Variants in CNTNAP5 observed in about 807,000 individuals in gnomAD.
CNTNAP5 encodes the protein contactin associated protein family member 5, also known as contactin-associated protein-like 5.
In CNTNAP5, 72 loss-of-function variants were observed where a neutral mutation model predicts 150.2. That is an observed-to-expected ratio of 0.48 (90% CI 0.40 to 0.58). CNTNAP5 has a LOEUF of 0.58. Ranked by LOEUF, CNTNAP5 falls within the 20% of genes least tolerant of loss-of-function variation. CNTNAP5 has a pLI of 0.00. For synonymous variants in CNTNAP5, 672 were observed against 619.8 expected (o/e 1.08, Z -1.25); for missense variants, 1,636 against 1,626.2 (o/e 1.01, Z -0.10).
intron 1 of CNTNAP5, among the ~76,000 whole-genome samples, chr2:124,075,200 T>C (rs867091186): frequency 3.9e-4 from 59 of 152,144 alleles, no homozygotes; most frequent in East Asian, 1.3e-3. Context: ...TAAAATAATT[T>C]ACCTAAGACA....
intron 13 of CNTNAP5, among the ~76,000 whole-genome samples, chr2:124,742,342 T>C (rs1411710029): frequency 6.6e-6 from 1 of 152,122 alleles, no homozygotes; most frequent in African/African-American, 2.4e-5. Flanking sequence ...CACTGAACAT[T>C]TGAAAAGAAG....
intron 19 of CNTNAP5, among the ~76,000 whole-genome samples, chr2:124,823,050 A>C (rs1448456683): frequency 3.9e-5 from 6 of 152,222 alleles, no homozygotes; most frequent in Non-Finnish European, 1.5e-5. Context: ...ACAGAGAAAA[A>C]ATGAAATGTT....
At chr2:124,148,776 T>C (rs1684325523) in intron 1 of CNTNAP5, among the ~76,000 whole-genome samples, 1 of 39,152 alleles carries the variant, frequency 2.6e-5, no homozygotes, top group South Asian at 1.4e-3. Context: ...CGTGTGCACA[T>C]ATGTGTGTAT....
At chr2:124,105,122 T>G (rs1231886571) in intron 1 of CNTNAP5, among the ~76,000 whole-genome samples, 3 of 152,112 alleles carry the variant, frequency 2.0e-5, no homozygotes, top group African/African-American at 7.2e-5. Context: ...GCACCTTGCT[T>G]TTCCACTTAG....
rs576593341 is a variant in CNTNAP5 at position 124,652,964 on chromosome 2, T to C, written c.2077+5006T>C. ...CCATTACTTTGAAATCTAATGGCTG[T>C]AGGACAGCCTGAGCTGGAATTTACT... On this transcript the variant is annotated intron_variant, in intron 13 of 23. Transcript: ENST00000682447. 2.0e-4 allele frequency among the ~76,000 whole-genome samples: 30 copies of C among 152,322 alleles called. No homozygotes were observed. In the South Asian group the frequency reaches 5.8e-3, roughly 29 times the overall value.
chr2:124,146,863 T>C (rs1323888405), intron 1 of CNTNAP5, among the ~76,000 whole-genome samples: 1 of 152,202 alleles, frequency 6.6e-6, no homozygotes, highest in East Asian at 1.9e-4. Context: ...TCTCATTAAA[T>C]GTGGTTTCCT....
intron 1 of CNTNAP5, among the ~76,000 whole-genome samples, chr2:124,047,803 T>A (rs1321552199): frequency 6.6e-6 from 1 of 152,160 alleles, no homozygotes; most frequent in Non-Finnish European, 1.5e-5. Flanking sequence ...TTATTGAGTG[T>A]CTGTTGTGTG....
At chr2:124,216,644 G>C (rs1379788923) in intron 1 of CNTNAP5, among the ~76,000 whole-genome samples, 1 of 151,972 alleles carries the variant, frequency 6.6e-6, no homozygotes, top group Non-Finnish European at 1.5e-5. Context: ...GCGGTGTTTG[G>C]TTTTTTGTCC....
At chr2:124,676,836 A>G (rs964936817) in intron 13 of CNTNAP5, among the ~76,000 whole-genome samples, 11 of 152,216 alleles carry the variant, frequency 7.2e-5, no homozygotes, top group Admixed American at 5.2e-4. Context: ...AAAAGCCTCT[A>G]TTATTTTCCA....
At chr2:124,760,383 C>A (rs992296734) in intron 14 of CNTNAP5, among the ~76,000 whole-genome samples, 1 of 151,870 alleles carries the variant, frequency 6.6e-6, no homozygotes, top group African/African-American at 2.4e-5. Flanking sequence ...ATAAGCTTAC[C>A]AAGCAGCAGT....
At chr2:124,474,329 T>G (rs1693589863) in intron 6 of CNTNAP5, among the ~76,000 whole-genome samples, 1 of 152,072 alleles carries the variant, frequency 6.6e-6, no homozygotes, top group African/African-American at 2.4e-5. Context: ...ATATAGGCTT[T>G]TAAACTAGGT....
intron 13 of CNTNAP5, among the ~76,000 whole-genome samples, chr2:124,746,609 C>G (rs183210941): frequency 2.5e-3 from 375 of 152,218 alleles, no homozygotes; most frequent in African/African-American, 8.5e-3. Flanking sequence ...TGAGAGAAAT[C>G]AATGGGAGGC....
chr2:124,854,013 A>G (rs1677290023), intron 19 of CNTNAP5, among the ~76,000 whole-genome samples: 1 of 152,132 alleles, frequency 6.6e-6, no homozygotes, highest in Admixed American at 6.6e-5. Flanking sequence ...ACTGCATAGT[A>G]TTTCATGGTG....
At chr2:124,310,610 GC>G (rs1202215599) in intron 3 of CNTNAP5, among the ~76,000 whole-genome samples, 1 of 151,334 alleles carries the variant, frequency 6.6e-6, no homozygotes, top group Non-Finnish European at 1.5e-5. Context: ...CTTTTGAAAA[GC>G]CTTTTTTTTT....
At chr2:124,358,674 A>T (rs1393008263) in intron 3 of CNTNAP5, among the ~76,000 whole-genome samples, 1 of 152,180 alleles carries the variant, frequency 6.6e-6, no homozygotes, top group African/African-American at 2.4e-5. Flanking sequence ...ATGGTGGATA[A>T]GCTTTTTGAT....
At chr2:124,880,118 A>G (rs551799640) in intron 21 of CNTNAP5, among the ~76,000 whole-genome samples, 1 of 152,244 alleles carries the variant, frequency 6.6e-6, no homozygotes, top group African/African-American at 2.4e-5. Flanking sequence ...GCCATTAATG[A>G]TAATAAATTG....
At chr2:124,264,393 C>T (rs12994075) in intron 3 of CNTNAP5, among the ~76,000 whole-genome samples, 5,831 of 77,844 alleles carry the variant, frequency 0.075, 292 homozygotes, top group African/African-American at 0.18. Context: ...CACACATACA[C>T]ACACACACAC....
intron 17 of CNTNAP5, among the ~76,000 whole-genome samples, chr2:124,789,376 G>T (rs527290521): frequency 1.2e-4 from 18 of 152,220 alleles, no homozygotes; most frequent in Admixed American, 9.8e-4. Flanking sequence ...GGGGTTCCCA[G>T]CCTAGAAGGA....
At chr2:124,582,540 A>G (rs963552562) in intron 11 of CNTNAP5, among the ~76,000 whole-genome samples, 1 of 152,240 alleles carries the variant, frequency 6.6e-6, no homozygotes, top group African/African-American at 2.4e-5. Context: ...TACCTGGGCT[A>G]GCAGCTGGGA....
Sources: gnomAD v4.1 joint callset for allele counts (sites outside exome capture counted in the v4.1 genomes callset) on GRCh38, gnomAD v4.1.1 for gene constraint, MANE v1.5 for transcripts, NCBI Gene and HGNC (gene_info 2026-07-23, HGNC 2026-07-21) for gene names.